STXBP4: variants seen among roughly 807,000 people sequenced by gnomAD.
The protein encoded by STXBP4 is syntaxin binding protein 4.
STXBP4 carries 55 observed loss-of-function variants against 76.1 expected under a neutral mutation model. The observed-to-expected ratio is 0.72, with a 90% CI of 0.58 to 0.91. The LOEUF is 0.91. STXBP4 is among the 40% of genes least tolerant of loss of function. The probability of loss-of-function intolerance (pLI) is 0.00; values close to 1 mark genes in which losing one functional copy is unlikely to be tolerated. For missense variants in STXBP4, 618 were observed against 636.9 expected (o/e 0.97, Z 0.32); for synonymous variants, 201 against 220.2 (o/e 0.91, Z 0.77).
At chr17:55,016,578 T>C (rs140901061) in intron 8 of STXBP4, among the ~76,000 whole-genome samples, 1,675 of 152,320 alleles carry the variant, frequency 0.011, 28 homozygotes, top group African/African-American at 0.037. Context: ...AGGCAATTTT[T>C]CTAACTCTGC....
chr17:55,071,203 T>C (rs1261721394), intron 12 of STXBP4, among the ~76,000 whole-genome samples: 1 of 152,170 alleles, frequency 6.6e-6, no homozygotes, highest in Non-Finnish European at 1.5e-5. Context: ...ACATCGATTC[T>C]CTGCCCAAAA....
intron 16 of STXBP4, among the ~76,000 whole-genome samples, chr17:55,131,776 C>T (rs977082266): frequency 2.6e-5 from 4 of 152,226 alleles, no homozygotes; most frequent in East Asian, 3.9e-4. Flanking sequence ...CCCACCCCTG[C>T]CTTAAGACAG....
At chr17:55,076,165 T>C (rs1226324166) in intron 13 of STXBP4, among the ~76,000 whole-genome samples, 2 of 152,202 alleles carry the variant, frequency 1.3e-5, no homozygotes, top group Non-Finnish European at 2.9e-5. Context: ...AATCCAGTCA[T>C]CCCTCCTGAC....
chr17:55,133,585 A>G (rs1181273781), intron 16 of STXBP4, among the ~76,000 whole-genome samples: 1 of 152,224 alleles, frequency 6.6e-6, no homozygotes, highest in Non-Finnish European at 1.5e-5. Flanking sequence ...TTGAAGAACC[A>G]AGCCTTGGAG....
At chr17:55,016,562 A>G (rs1044770973) in intron 8 of STXBP4, among the ~76,000 whole-genome samples, 5 of 152,194 alleles carry the variant, frequency 3.3e-5, no homozygotes, top group African/African-American at 1.2e-4. Flanking sequence ...GAGGAGACCA[A>G]TTATTAGGCA....
At chr17:55,145,713 A>T (rs115221883) in intron 17 of STXBP4, among the ~76,000 whole-genome samples, 1,522 of 150,606 alleles carry the variant, frequency 0.01, 22 homozygotes, top group African/African-American at 0.034. Flanking sequence ...ATAAACATAT[A>T]TCTCTGTGTG....
chr17:55,195,859 C>T, the STXBP4 span, among the ~76,000 whole-genome samples: 6 of 152,078 alleles, frequency 3.9e-5, no homozygotes, highest in Non-Finnish European at 7.4e-5. Flanking sequence ...ACAGTGTCAG[C>T]GAGAGAGGAA....
At chr17:55,002,662 G>T (rs1336713007) in intron 7 of STXBP4, among the ~76,000 whole-genome samples, 1 of 152,156 alleles carries the variant, frequency 6.6e-6, no homozygotes, top group African/African-American at 2.4e-5. Flanking sequence ...GCCTAAGGAA[G>T]GAAGTAGTGA....
At chr17:55,110,391 C>T (rs919595681) in intron 16 of STXBP4, among the ~76,000 whole-genome samples, 1 of 152,088 alleles carries the variant, frequency 6.6e-6, no homozygotes, top group Non-Finnish European at 1.5e-5. Flanking sequence ...CTGCCTATCA[C>T]AGAGAGTTAG....
At chr17:55,031,927 C>A (rs1351915729) in intron 9 of STXBP4, among the ~76,000 whole-genome samples, 1 of 152,042 alleles carries the variant, frequency 6.6e-6, no homozygotes, top group Admixed American at 6.6e-5. Flanking sequence ...CATAATGTAC[C>A]ACTTAGTTAT....
chr17:55,203,157 C>T, the STXBP4 span, among the ~76,000 whole-genome samples: 1 of 152,112 alleles, frequency 6.6e-6, no homozygotes, highest in African/African-American at 2.4e-5. Flanking sequence ...ACCTGTTTTG[C>T]TTTTCCCTCC....
intron 17 of STXBP4, among the ~76,000 whole-genome samples, chr17:55,145,723 G>T (rs1265428102): frequency 6.8e-6 from 1 of 147,614 alleles, no homozygotes; most frequent in Non-Finnish European, 1.5e-5. Context: ...ATCTCTGTGT[G>T]TGTGTATGTT....
Position 55,145,358 on chromosome 17 carries a change from A to C in STXBP4, c.1547+3991A>C, listed in dbSNP as rs186110035. On this transcript the variant is annotated intron_variant, in intron 17 of 17. Coordinates refer to ENST00000376352, the MANE Select transcript of STXBP4 (RefSeq NM_178509.6). ...CATTGCTCTCTCACCTCTACTTAAG[A>C]ATAGTGACTGAAATCACCCTCCCAG... Among the ~76,000 whole-genome samples the C allele has an allele frequency of 1.9e-3, 297 of 152,328 alleles. 1 individual carries two copies. The highest frequency in any genetic ancestry group is 3.7e-3 in the Non-Finnish European group (250 of 68,032).
chr17:55,198,671 T>G, the STXBP4 span, among the ~76,000 whole-genome samples: 1 of 152,224 alleles, frequency 6.6e-6, no homozygotes, highest in Non-Finnish European at 1.5e-5. Context: ...AGATCTGATA[T>G]AAAATCGATT....
At chr17:55,076,677 G>A (rs748547433) in intron 13 of STXBP4, among the ~76,000 whole-genome samples, 1 of 152,122 alleles carries the variant, frequency 6.6e-6, no homozygotes, top group Admixed American at 6.6e-5. Flanking sequence ...TTCCCGATTC[G>A]AAGAGCAATG....
At chr17:55,191,063 C>A in the STXBP4 span, among the ~76,000 whole-genome samples, 1 of 152,128 alleles carries the variant, frequency 6.6e-6, no homozygotes, top group Non-Finnish European at 1.5e-5. Flanking sequence ...TTCAAAGTAT[C>A]TTCATATTCC....
chr17:55,189,421 C>T, the STXBP4 span, among the ~76,000 whole-genome samples: 1 of 152,066 alleles, frequency 6.6e-6, no homozygotes, highest in Non-Finnish European at 1.5e-5. Context: ...TCTGAAAATC[C>T]AAATGCATTT....
At chr17:55,037,920 G>A (rs2078632154) in intron 10 of STXBP4, among the ~76,000 whole-genome samples, 1 of 152,106 alleles carries the variant, frequency 6.6e-6, no homozygotes, top group Admixed American at 6.5e-5. Flanking sequence ...ATAACTGATT[G>A]TTTTGCAGTG....
the STXBP4 span, among the ~76,000 whole-genome samples, chr17:55,202,652 T>G: frequency 6.6e-6 from 1 of 152,100 alleles, no homozygotes; most frequent in Non-Finnish European, 1.5e-5. Context: ...CTCTTGAGAA[T>G]GGGTTTGAAG....
Sources: allele counts gnomAD v4.1 joint callset (sites outside exome capture counted in the v4.1 genomes callset), GRCh38; gene constraint gnomAD v4.1.1; transcripts MANE v1.5; gene names NCBI Gene and HGNC (gene_info 2026-07-23, HGNC 2026-07-21).